The following KHDRBS2 variants were observed in gnomAD, a reference collection of about 807,000 sequenced individuals.
KHDRBS2 encodes KH domain-containing, RNA-binding, signal transduction-associated protein 2.
Under a neutral mutation model 44.3 loss-of-function variants are expected in KHDRBS2, and 26 were observed. The ratio of observed to expected loss-of-function variants is 0.59; its 90% CI spans 0.43 to 0.81. The LOEUF is 0.81. Among genes scored for constraint, KHDRBS2 ranks in the 40% least tolerant of loss-of-function variants. The pLI is 0.00. For missense variants in KHDRBS2, 476 were observed against 433.1 expected (o/e 1.10, Z -0.88); for synonymous variants, 194 against 151.1 (o/e 1.28, Z -2.08).
chr6:62,095,388 CTTTTA>C (rs1159021610), intron 2 of KHDRBS2, among the ~76,000 whole-genome samples: 1 of 151,712 alleles, frequency 6.6e-6, no homozygotes, highest in Non-Finnish European at 1.5e-5. Flanking sequence ...AATTTTTAAT[CTTTTA>C]TATCATATTT....
the KHDRBS2 span, among the ~76,000 whole-genome samples, chr6:61,614,206 A>ACATGT: frequency 5.3e-5 from 8 of 152,054 alleles, no homozygotes; most frequent in Admixed American, 3.3e-4. Context: ...TGTCTATTAA[A>ACATGT]CATGTTGTGG....
intron 1 of KHDRBS2, among the ~76,000 whole-genome samples, chr6:62,257,903 T>A (rs1401054550): frequency 2.6e-5 from 4 of 152,040 alleles, no homozygotes; most frequent in Admixed American, 1.3e-4. Flanking sequence ...TTTTGCTCTC[T>A]ACGACGACCC....
chr6:61,556,618 T>C, the KHDRBS2 span, among the ~76,000 whole-genome samples: 29 of 151,902 alleles, frequency 1.9e-4, no homozygotes, highest in African/African-American at 6.3e-4. Context: ...AAGAACCTAA[T>C]TCAGCTTACA....
the KHDRBS2 span, chr6:61,630,486 A>G: frequency 1.3e-5 from 2 of 152,188 alleles, no homozygotes; most frequent in Admixed American, 6.5e-5. Context: ...ACAGGATTGT[A>G]TTTGGAGGAA....
chr6:61,616,747 A>G, the KHDRBS2 span, among the ~76,000 whole-genome samples: 5 of 152,092 alleles, frequency 3.3e-5, no homozygotes, highest in Non-Finnish European at 7.4e-5. Flanking sequence ...CAAAGGGGTC[A>G]AGTGGCTTGC....
At chr6:62,224,535 G>A (rs944127151) in intron 1 of KHDRBS2, among the ~76,000 whole-genome samples, 1 of 152,142 alleles carries the variant, frequency 6.6e-6, no homozygotes, top group Non-Finnish European at 1.5e-5. Flanking sequence ...GGTTATGTAG[G>A]ACTTAACTGA....
intron 1 of KHDRBS2, among the ~76,000 whole-genome samples, chr6:62,223,146 GACATCCAAGTGTTTCTAT>G (rs1831176422): frequency 6.6e-6 from 1 of 152,196 alleles, no homozygotes; most frequent in African/African-American, 2.4e-5. Context: ...CTTCTGCCTG[GACATCCAAGTGTTTCTAT>G]ACATCCTCTG....
intron 2 of KHDRBS2, among the ~76,000 whole-genome samples, chr6:62,109,678 A>C (rs1804536836): frequency 6.6e-6 from 1 of 151,936 alleles, no homozygotes. Context: ...ATAGCATCTA[A>C]AAATGTTAAG....
the KHDRBS2 span, among the ~76,000 whole-genome samples, chr6:61,571,685 T>G: frequency 1.5e-4 from 23 of 152,148 alleles, no homozygotes; most frequent in South Asian, 4.2e-3. Flanking sequence ...CTCAATAAAT[T>G]TAAGAAAATT....
intron 6 of KHDRBS2, among the ~76,000 whole-genome samples, chr6:61,776,539 G>T (rs1210754776): frequency 6.6e-6 from 1 of 152,206 alleles, no homozygotes; most frequent in East Asian, 1.9e-4. Flanking sequence ...ATGAAAAAAT[G>T]CTCACCATCA....
At chr6:61,650,564 T>A in the KHDRBS2 span, among the ~76,000 whole-genome samples, 3,733 of 151,928 alleles carry the variant, frequency 0.025, 72 homozygotes, top group Middle Eastern at 0.082. Context: ...TTAACGATGT[T>A]ATTATCTTAT....
At chr6:62,214,685 A>G (rs1167757099) in intron 1 of KHDRBS2, among the ~76,000 whole-genome samples, 3 of 151,872 alleles carry the variant, frequency 2.0e-5, no homozygotes, top group African/African-American at 7.2e-5. Flanking sequence ...AGGAAGGTAG[A>G]TTTTTCTCTG....
At chr6:61,682,404 TA>T in intron 8 of KHDRBS2, among the ~76,000 whole-genome samples, 1 of 151,940 alleles carries the variant, frequency 6.6e-6, no homozygotes, top group South Asian at 2.1e-4. Flanking sequence ...GGATATAAAA[TA>T]GGAGTAAGAA....
chr6:61,800,382 C>A (rs1285284592), intron 6 of KHDRBS2, among the ~76,000 whole-genome samples: 1 of 152,026 alleles, frequency 6.6e-6, no homozygotes, highest in Non-Finnish European at 1.5e-5. Flanking sequence ...GTGAGGTGAT[C>A]ATAAATGCTC....
chr6:62,176,931 T>G (rs1585072969), intron 2 of KHDRBS2, among the ~76,000 whole-genome samples: 1 of 151,320 alleles, frequency 6.6e-6, no homozygotes, highest in African/African-American at 2.4e-5. Context: ...CATTTATATT[T>G]TGAATAAATG....
At chr6:61,587,492 AT>A in the KHDRBS2 span, among the ~76,000 whole-genome samples, 1 of 151,840 alleles carries the variant, frequency 6.6e-6, no homozygotes, top group Non-Finnish European at 1.5e-5. Context: ...TTTTACCCTT[AT>A]TTTTGTGGTA....
intron 6 of KHDRBS2, among the ~76,000 whole-genome samples, chr6:61,880,254 T>C (rs1800016140): frequency 6.6e-6 from 1 of 151,850 alleles, no homozygotes; most frequent in Non-Finnish European, 1.5e-5. Context: ...AATTGTGGTG[T>C]TATAATAGCC....
intron 4 of KHDRBS2, among the ~76,000 whole-genome samples, chr6:61,920,912 C>A (rs953211884): frequency 5.3e-5 from 8 of 151,716 alleles, no homozygotes; most frequent in African/African-American, 9.7e-5. Context: ...TCAAGCAAGT[C>A]CCTCCATAAA....
At chr6:62,102,188 C>A (rs554310699) in intron 2 of KHDRBS2, among the ~76,000 whole-genome samples, 10 of 152,112 alleles carry the variant, frequency 6.6e-5, no homozygotes, top group African/African-American at 1.9e-4. Context: ...TAAGAATAAA[C>A]CCAAAGTTTT....
Sources: gnomAD v4.1 joint callset for allele counts (sites outside exome capture counted in the v4.1 genomes callset) on GRCh38, gnomAD v4.1.1 for gene constraint, MANE v1.5 for transcripts, NCBI Gene and HGNC (gene_info 2026-07-23, HGNC 2026-07-21) for gene names.